Variants in CCNK observed in about 807,000 individuals in gnomAD.
The protein encoded by CCNK is cyclin-K.
Under a neutral mutation model 65.0 loss-of-function variants are expected in CCNK, and 9 were observed. That is an observed-to-expected ratio of 0.14 (90% confidence interval 0.08 to 0.24). The LOEUF is 0.24. Among genes scored for constraint, CCNK ranks in the 10% least tolerant of loss-of-function variants. CCNK has a pLI of 1.00. For missense variants in CCNK, 474 were observed against 720.0 expected (o/e 0.66, Z 3.91); for synonymous variants, 279 against 270.8 (o/e 1.03, Z -0.30).
intron 4 of CCNK, among the ~76,000 whole-genome samples, chr14:99,499,865 C>T (rs1896782859): frequency 6.6e-6 from 1 of 152,188 alleles, no homozygotes; most frequent in East Asian, 1.9e-4. Context: ...TAAAAATCTC[C>T]ATTCTCCCTA....
At chr14:99,502,047 C>T (rs1306664934) in intron 6 of CCNK, 160 bp from the exon 7 acceptor site, 3 of 769,044 alleles carry the variant, frequency 3.9e-6, no homozygotes, top group Admixed American at 3.9e-5. Context: ...AGTCGGGTAC[C>T]TTTAGAAGAG....
intron 3 of CCNK, chr14:99,494,902 C>G (rs564265774): frequency 6.6e-6 from 1 of 152,308 alleles, no homozygotes; most frequent in East Asian, 1.9e-4. Flanking sequence ...GAGGAACAAG[C>G]CCCTTGGGCC....
At position 99,500,758 on chromosome 14, in the gene CCNK, AT is replaced by A; in HGVS notation, c.412-3del. On this transcript the variant is annotated splice_region_variant and splice_polypyrimidine_tract_variant and intron_variant, in intron 4 of 10. Transcript: ENST00000389879. ...ATTACTGTCCTAACATTTGTGATTG[AT>A]TTTTAGGAGGAAGTAATGGTTCTGG... 1 of 1,531,310 alleles carries A rather than the reference AT, an allele frequency of 6.5e-7. No homozygotes were observed. Among genetic ancestry groups the A allele is most frequent in the Non-Finnish European group, 8.9e-7 (1 of 1,125,844 alleles). The allele number at this position is 1,531,310 out of a possible 1,614,324, so 94.9% of individuals were successfully genotyped here. A position where few individuals can be genotyped will look rare whatever the true frequency, so the allele number is the denominator to read the frequency against.
At chr14:99,499,324 C>A (rs916497067) in intron 4 of CCNK, among the ~76,000 whole-genome samples, 1 of 152,208 alleles carries the variant, frequency 6.6e-6, no homozygotes, top group Non-Finnish European at 1.5e-5. Flanking sequence ...AGGCATGAGC[C>A]ACCATGTCCA....
chr14:99,500,598 C>T, intron 4 of CCNK, 168 bp from the exon 5 acceptor site: 1 of 579,226 alleles, frequency 1.7e-6, no homozygotes, highest in South Asian at 2.2e-5. Flanking sequence ...CAGAATTTAT[C>T]AGTGTCTCTG....
chr14:99,501,092 A>G (rs1252869867), intron 5 of CCNK: 12 of 600,032 alleles, frequency 2.0e-5, no homozygotes, highest in Non-Finnish European at 2.0e-5. Context: ...TGGGAGAGGC[A>G]GGAAAATGAG....
intron 1 of CCNK, among the ~76,000 whole-genome samples, chr14:99,483,385 CA>C (rs975779136): frequency 5.4e-5 from 8 of 148,552 alleles, no homozygotes; most frequent in East Asian, 2.0e-4. Flanking sequence ...CTCACCACTA[CA>C]AAAAAAAAAT....
At chr14:99,487,347 T>C (rs1009610833) in intron 1 of CCNK, among the ~76,000 whole-genome samples, 1 of 152,200 alleles carries the variant, frequency 6.6e-6, no homozygotes, top group Non-Finnish European at 1.5e-5. Context: ...TTTCTTGTCA[T>C]GGGGGATTGT....
intron 10 of CCNK, chr14:99,508,737 C>T (rs1897038726): frequency 6.6e-6 from 1 of 152,432 alleles, no homozygotes; most frequent in Non-Finnish European, 1.5e-5. Context: ...GCTGTTCCAG[C>T]TCAGTCACAC....
At chr14:99,495,279 A>C in intron 3 of CCNK, 1 of 267,890 alleles carries the variant, frequency 3.7e-6, no homozygotes, top group South Asian at 1.3e-4. Flanking sequence ...CTTTTTTTTT[A>C]AGAAAGTTAA....
In CCNK at chr14:99,500,849, A is replaced by G. The variant is rs2069493; in HGVS notation, c.495A>G (p.Leu165=). The change falls in exon 5 of 11, where the codon CTA becomes CTG. Residue 165 remains leucine (L), a synonymous_variant. Coordinates refer to ENST00000389879, the MANE Select transcript of CCNK (RefSeq NM_001099402.2). ...TAGAACATCCATACCAGTTCCTACT[A>G]AAATATGCAAAGCAACTCAAAGGTA... ...LQVEHPYQFL[L]KYAKQLKGDK... is the part of the protein sequence containing the mutation. 4 of 1,548,808 alleles carry G rather than the reference A, an allele frequency of 2.6e-6. No homozygotes were observed. Among genetic ancestry groups the G allele is most frequent in the Non-Finnish European group, 3.5e-6 (4 of 1,144,258 alleles).
chr14:99,482,950 A>C (rs2139843835), intron 1 of CCNK, among the ~76,000 whole-genome samples: 1 of 152,370 alleles, frequency 6.6e-6, no homozygotes, highest in South Asian at 2.1e-4. Context: ...AATTAAATTC[A>C]AGGTAATTGA....
chr14:99,484,334 A>G lies in CCNK; in HGVS notation c.-53+2855A>G, dbSNP rs527849882. 2.6e-5 allele frequency among the ~76,000 whole-genome samples: 4 copies of G among 152,364 alleles called. 1 individual carries two copies. Among genetic ancestry groups the G allele is most frequent in the African/African-American group, 7.2e-5 (3 of 41,588 alleles). ...GCAACGCAGCAGACACACAATGGACATGTTACTGCATGTTAGTTACCACCC... is the reference window on the plus strand; with the variant it reads ...GCAACGCAGCAGACACACAATGGACGTGTTACTGCATGTTAGTTACCACCC... On this transcript the variant is annotated intron_variant, in intron 1 of 10. Coordinates refer to ENST00000389879, the MANE Select transcript of CCNK (RefSeq NM_001099402.2).
chr14:99,502,200 G>A lies in CCNK; in HGVS notation c.576-7G>A, dbSNP rs375036317. On this transcript the variant is annotated splice_region_variant and splice_polypyrimidine_tract_variant and intron_variant, in intron 6 of 10. Transcript: ENST00000389879. ...TTATCTAACCTTTTTTTTTCTTGTT[G>A]AACTAGTCTCTGCACCACCTTGTCA... is the stretch of plus-strand genomic sequence containing the variant. The A allele has an allele frequency of 5.1e-6, 8 of 1,557,190 alleles. No individual in the cohort carries two copies. The African/African-American group carries it at 1.1e-4, about 22-fold the overall frequency.
At chr14:99,496,222 TC>T (rs1896697985) in intron 4 of CCNK, among the ~76,000 whole-genome samples, 1 of 152,202 alleles carries the variant, frequency 6.6e-6, no homozygotes, top group African/African-American at 2.4e-5. Context: ...ATGGCAGTGT[TC>T]CTCCACTCCC....
Position 99,510,464 on chromosome 14 carries a change from C to T in CCNK, c.1425C>T (p.Pro475=), listed in dbSNP as rs1897099776. The T allele has an allele frequency of 1.3e-6, 2 of 1,511,400 alleles. No homozygotes were observed. The highest frequency in any genetic ancestry group is 3.0e-5 in the African/African-American group (2 of 67,712). 93.6% of individuals were successfully genotyped at this position (1,511,400 alleles called of 1,614,324 possible). A position where few individuals can be genotyped will look rare whatever the true frequency, so the allele number is the denominator to read the frequency against. ...CACCTGCACACCTGCCCTACCACCC[C>T]CATGTCTACCCGCCCAACCCGCCCC... The part of the protein sequence containing the change: ...YGPPAHLPYH[P]HVYPPNPPPP... The change falls in exon 11 of 11, where the codon CCC becomes CCT. Residue 475 remains proline, a synonymous_variant. Coordinates refer to ENST00000389879, the MANE Select transcript of CCNK (RefSeq NM_001099402.2).
Position 99,510,506 on chromosome 14 carries a change from T to G in CCNK, c.1467T>G (p.Pro489=). 2 of 461,474 alleles carry G rather than the reference T, an allele frequency of 4.3e-6. No homozygotes were observed. Among genetic ancestry groups the G allele is most frequent in the Non-Finnish European group, 3.2e-6 (1 of 313,108 alleles). 28.6% of individuals were successfully genotyped at this position (461,474 alleles called of 1,614,324 possible). A position where few individuals can be genotyped will look rare whatever the true frequency, so the allele number is the denominator to read the frequency against. The change falls in exon 11 of 11, where the codon CCT becomes CCG. Residue 489 remains proline, a synonymous_variant. Coordinates refer to ENST00000389879, the MANE Select transcript of CCNK (RefSeq NM_001099402.2). ...PPNPPPPPVP[P]PPASFPPPAI... The stretch of plus-strand genomic sequence containing the variant: ...ACCCGCCCCCGCCACCTGTGCCTCC[T>G]CCCCCAGCCTCCTTCCCCCCACCTG...
intron 5 of CCNK, 126 bp downstream of exon 5, chr14:99,500,997 G>A (rs1039682176): frequency 5.8e-5 from 39 of 670,386 alleles, no homozygotes; most frequent in Admixed American, 5.3e-4. Flanking sequence ...CAAGGGCATG[G>A]CTTGCTCAGT....
chr14:99,493,038 T>C, intron 2 of CCNK, 164 bp downstream of exon 2: 1 of 700,432 alleles, frequency 1.4e-6, no homozygotes, highest in African/African-American at 1.8e-5. Context: ...TCTTTCTGAT[T>C]TGTCATTTTA....
Sources: gnomAD v4.1 joint callset for allele counts (sites outside exome capture counted in the v4.1 genomes callset) on GRCh38, gnomAD v4.1.1 for gene constraint, MANE v1.5 for transcripts, NCBI Gene and HGNC (gene_info 2026-07-23, HGNC 2026-07-21) for gene names.